Variants in HOOK3 observed in about 807,000 individuals in gnomAD.
HOOK3 encodes the protein protein Hook homolog 3.
Under a neutral mutation model 116.3 loss-of-function variants are expected in HOOK3, and 24 were observed. The ratio of observed to expected loss-of-function variants is 0.21; its 90% CI spans 0.15 to 0.29. The LOEUF (loss-of-function observed/expected upper bound fraction) is 0.29, where lower values mean the gene tolerates loss of function less well. Among genes scored for constraint, HOOK3 ranks in the 10% least tolerant of loss-of-function variants. The probability of loss-of-function intolerance (pLI) is 1.00; values close to 1 mark genes in which losing one functional copy is unlikely to be tolerated. For missense variants in HOOK3, 632 were observed against 830.2 expected, an observed-to-expected ratio of 0.76 and a Z score of 2.93; for synonymous variants, 275 against 283.0, an observed-to-expected ratio of 0.97 and a Z score of 0.28.
intron 19 of HOOK3, among the ~76,000 whole-genome samples, chr8:43,011,529 T>G (rs1160537245): frequency 2.6e-5 from 4 of 151,940 alleles, no homozygotes; most frequent in Non-Finnish European, 4.4e-5. Context: ...GTAAATGGAT[T>G]TTTATTCTAC....
intron 2 of HOOK3, among the ~76,000 whole-genome samples, chr8:42,917,287 C>T (rs1288052499): frequency 2.0e-5 from 3 of 152,122 alleles, no homozygotes; most frequent in East Asian, 1.9e-4. Context: ...CCTGGGAGCT[C>T]GCTAAACCCT....
In HOOK3 at chr8:43,013,375, A is replaced by C. The variant is rs971624319; in HGVS notation, c.1991A>C (p.Tyr664Ser). Residue 664 changes from tyrosine to serine, a missense_variant, in exon 21 of 22, where the codon TAT becomes TCT. Coordinates refer to ENST00000307602, the MANE Select transcript of HOOK3 (RefSeq NM_032410.4). ...AGTCAGAGAGAGATGGAAGAGAAAT[A>C]TATTGTTAGTGCCTGGTACAATATG... ...TKSQREMEEK[Y>S]IVSAWYNMGM... 1.9e-6 allele frequency: 3 copies of C among 1,586,216 alleles called. No individual in the cohort carries two copies. Among genetic ancestry groups the C allele is most frequent in the Non-Finnish European group, 2.6e-6 (3 of 1,170,210 alleles).
intron 16 of HOOK3, 126 bp downstream of exon 16, chr8:42,997,763 T>C (rs1341261274): frequency 4.4e-6 from 3 of 676,036 alleles, no homozygotes; most frequent in East Asian, 5.8e-5. Flanking sequence ...AAAGAAATAG[T>C]GTTTTCCTTT....
intron 3 of HOOK3, among the ~76,000 whole-genome samples, chr8:42,927,800 A>T (rs941594593): frequency 2.0e-5 from 3 of 152,216 alleles, no homozygotes; most frequent in Admixed American, 1.3e-4. Flanking sequence ...GGATGAGGTC[A>T]TGCTATATGC....
intron 4 of HOOK3, 48 bp downstream of exon 4, chr8:42,930,220 T>G: frequency 1.4e-6 from 2 of 1,420,332 alleles, no homozygotes; most frequent in Non-Finnish European, 1.9e-6. Context: ...TATCGGATAG[T>G]TTAATTTTAT....
At position 42,939,895 on chromosome 8, in the gene HOOK3, CAG is replaced by C. The variant is rs1356819094; in HGVS notation, c.268-3414_268-3413del. ...ACATCTCAGACGATGGGCGGCCGGG[CAG>C]AGACACTCCTCACTTCCTAGATGGG... On this transcript the variant is annotated intron_variant, in intron 4 of 21. Transcript: ENST00000307602. Among the ~76,000 whole-genome samples the C allele has an allele frequency of 5.3e-5, 8 of 151,434 alleles. No homozygotes were observed. The East Asian group carries it at 9.8e-4, about 19-fold the overall frequency.
chr8:42,973,830 TGTTAAGAAATTA>T (rs972614792), intron 12 of HOOK3, among the ~76,000 whole-genome samples: 1 of 152,220 alleles, frequency 6.6e-6, no homozygotes, highest in Non-Finnish European at 1.5e-5. Context: ...GTGAAAAGAA[TGTTAAGAAATTA>T]GTTACTAATT....
At chr8:42,969,350 G>A (rs1808687001) in intron 11 of HOOK3, among the ~76,000 whole-genome samples, 1 of 152,168 alleles carries the variant, frequency 6.6e-6, no homozygotes, top group Non-Finnish European at 1.5e-5. Flanking sequence ...TGCTGGCCTG[G>A]CACAGTGTCT....
rs199508165 is a variant in HOOK3 at position 43,013,153 on chromosome 8, G to C, written c.1942G>C (p.Glu648Gln). Residue 648 changes from glutamate to glutamine, a missense_variant and splice_region_variant, in exon 20 of 22, where the codon GAG becomes CAG. Physicochemically the swap from Glu to Gln is conservative, Grantham distance 29 (BLOSUM62 2). Around this residue, in one of 3 missense-constraint regions of HOOK3, gnomAD observed 483 missense variants for 648.1 expected, o/e 0.75. Coordinates refer to ENST00000307602, the MANE Select transcript of HOOK3 (RefSeq NM_032410.4). ...ACGAGACCGACTGTTCCACTCATTA[G>C]AGGTAGTTTACTATACTGTACAATA... ...QERDRLFHSL[E>Q]KEYEKTKSQR... is the part of the protein sequence containing the mutation. 161 of 1,596,814 alleles carry C rather than the reference G, an allele frequency of 1.0e-4. No individual in the cohort carries two copies. The highest frequency in any genetic ancestry group is 2.0e-5 in the Non-Finnish European group (23 of 1,165,864).
chr8:42,934,618 C>T, intron 4 of HOOK3, among the ~76,000 whole-genome samples: 1 of 152,086 alleles, frequency 6.6e-6, no homozygotes, highest in African/African-American at 2.4e-5. Flanking sequence ...GTTCAGTTCC[C>T]ACCCATGAGT....
intron 2 of HOOK3, among the ~76,000 whole-genome samples, chr8:42,919,365 C>T (rs918119187): frequency 6.7e-5 from 10 of 148,488 alleles, no homozygotes; most frequent in East Asian, 6.1e-4. Flanking sequence ...CGGGCAGAGG[C>T]GCTCTTCACA....
At chr8:42,989,091 G>C (rs764496263) in intron 15 of HOOK3, among the ~76,000 whole-genome samples, 6 of 152,160 alleles carry the variant, frequency 3.9e-5, no homozygotes, top group Non-Finnish European at 8.8e-5. Context: ...GCACTTTAGT[G>C]TATCTGTAAT....
At chr8:42,953,313 C>G (rs1356700933) in intron 6 of HOOK3, among the ~76,000 whole-genome samples, 1 of 149,678 alleles carries the variant, frequency 6.7e-6, no homozygotes, top group Non-Finnish European at 1.5e-5. Flanking sequence ...TGCCTGTAAT[C>G]CCAGCACATT....
intron 4 of HOOK3, among the ~76,000 whole-genome samples, chr8:42,942,201 G>A (rs1472620627): frequency 1.3e-5 from 2 of 152,064 alleles, no homozygotes; most frequent in Non-Finnish European, 2.9e-5. Context: ...GCAGTGAGCC[G>A]AGATCATGCC....
At chr8:42,915,065 A>C (rs1017743598) in intron 2 of HOOK3, among the ~76,000 whole-genome samples, 5 of 152,130 alleles carry the variant, frequency 3.3e-5, no homozygotes, top group Non-Finnish European at 7.4e-5. Context: ...AATTCCTTCT[A>C]ATTTTCCCTA....
chr8:42,925,836 T>C (rs1349469301), intron 3 of HOOK3, among the ~76,000 whole-genome samples: 3 of 152,194 alleles, frequency 2.0e-5, no homozygotes, highest in African/African-American at 7.2e-5. Context: ...ACCAAGGGCA[T>C]GGAGCCAGTG....
rs1806988163 is a variant in HOOK3, at chr8:42,896,985, C to T, written c.-147C>T. 2 of 488,404 alleles carry T rather than the reference C, an allele frequency of 4.1e-6. No individual in the cohort carries two copies. Among genetic ancestry groups the T allele is most frequent in the Non-Finnish European group, 6.5e-6 (2 of 309,768 alleles). 30.3% of individuals were successfully genotyped at this position (488,404 alleles called of 1,614,324 possible). A position where few individuals can be genotyped will look rare whatever the true frequency, so the allele number is the denominator to read the frequency against. On this transcript the variant is annotated 5_prime_UTR_variant, in exon 1 of 22. Coordinates refer to ENST00000307602, the MANE Select transcript of HOOK3 (RefSeq NM_032410.4). ...CGCTGGGGGTGACGGTGCGGAGCCGCTGCCAGCGCTGGGCGAGAGTCGGCG... is the reference window on the plus strand; with the variant it reads ...CGCTGGGGGTGACGGTGCGGAGCCGTTGCCAGCGCTGGGCGAGAGTCGGCG...
intron 2 of HOOK3, among the ~76,000 whole-genome samples, chr8:42,910,268 A>G (rs1303792960): frequency 2.0e-5 from 3 of 152,180 alleles, no homozygotes; most frequent in Non-Finnish European, 4.4e-5. Context: ...GTGTTTTGCA[A>G]AGTGGTCTTT....
intron 2 of HOOK3, among the ~76,000 whole-genome samples, chr8:42,910,917 C>T (rs140857494): frequency 3.7e-4 from 57 of 152,220 alleles, no homozygotes; most frequent in Non-Finnish European, 4.6e-4. Context: ...ATTTTTAACT[C>T]GGTTTAGGAG....
Sources: gnomAD v4.1 joint callset for allele counts (sites outside exome capture counted in the v4.1 genomes callset) on GRCh38, gnomAD v4.1.1 for gene constraint, gnomAD v4.1.1 regional missense constraint, MANE v1.5 for transcripts, NCBI Gene and HGNC (gene_info 2026-07-23, HGNC 2026-07-21) for gene names.